The following XPR1 variants were observed in gnomAD, a reference collection of about 807,000 sequenced individuals.
XPR1 encodes xenotropic and polytropic retrovirus receptor 1.
Under a neutral mutation model 87.5 loss-of-function variants are expected in XPR1, and 28 were observed. The observed-to-expected ratio is 0.32, with a 90% CI of 0.24 to 0.44. XPR1 has a LOEUF of 0.44. Among genes scored for constraint, XPR1 ranks in the 20% least tolerant of loss-of-function variants. The probability of loss-of-function intolerance (pLI) is 1.00; values close to 1 mark genes in which losing one functional copy is unlikely to be tolerated. For missense variants in XPR1, 559 were observed against 862.3 expected, an observed-to-expected ratio of 0.65 and a Z score of 4.41; for synonymous variants, 300 against 306.1, an observed-to-expected ratio of 0.98 and a Z score of 0.21.
intron 2 of XPR1, among the ~76,000 whole-genome samples, chr1:180,767,208 T>C (rs1421775850): frequency 2.0e-5 from 3 of 152,306 alleles, no homozygotes; most frequent in African/African-American, 4.8e-5. Flanking sequence ...TAGTAAACTT[T>C]CCAGCTTAAA....
intron 12 of XPR1, 84 bp downstream of exon 12, chr1:180,863,958 T>G: frequency 1.9e-6 from 2 of 1,076,648 alleles, no homozygotes; most frequent in Non-Finnish European, 2.5e-6. Context: ...ACCCAACCTC[T>G]AATTATATTA....
At chr1:180,690,886 G>A (rs546493766) in intron 2 of XPR1, among the ~76,000 whole-genome samples, 204 of 151,578 alleles carry the variant, frequency 1.3e-3, no homozygotes, top group African/African-American at 4.6e-3. Context: ...TATAAAAAAA[G>A]GAGTAAATTA....
chr1:180,775,954 A>C (rs1025663026), intron 2 of XPR1, among the ~76,000 whole-genome samples: 17 of 152,308 alleles, frequency 1.1e-4, no homozygotes, highest in African/African-American at 4.1e-4. Context: ...TCCTCTTTCA[A>C]ATTGCCTTTC....
intron 2 of XPR1, among the ~76,000 whole-genome samples, chr1:180,711,881 A>G (rs1414828110): frequency 6.6e-6 from 1 of 152,046 alleles, no homozygotes; most frequent in East Asian, 1.9e-4. Flanking sequence ...AATTTTTTGT[A>G]TGTGGTGTGA....
chr1:180,839,906 G>C (rs1201288663), intron 11 of XPR1, among the ~76,000 whole-genome samples: 1 of 152,194 alleles, frequency 6.6e-6, no homozygotes, highest in Non-Finnish European at 1.5e-5. Context: ...CTTCTCCATT[G>C]ATAAGCGTCA....
chr1:180,798,767 C>CCA (rs1649679555), intron 3 of XPR1, among the ~76,000 whole-genome samples: 1 of 152,132 alleles, frequency 6.6e-6, no homozygotes, highest in African/African-American at 2.4e-5. Flanking sequence ...GCGTGCAGCA[C>CCA]CACACCCTGC....
At chr1:180,670,711 T>G (rs1425317050) in intron 1 of XPR1, among the ~76,000 whole-genome samples, 1 of 152,248 alleles carries the variant, frequency 6.6e-6, no homozygotes, top group Non-Finnish European at 1.5e-5. Context: ...TTTTATTTCT[T>G]TATACAGCTT....
rs1438560013 is a variant in XPR1 at position 180,826,063 on chromosome 1, A to G, written c.1134+719A>G. ...AAAACTCCATCTCAAAAAAAAGAAA[A>G]AGAAAAATTGACTTTGATTCTTGTT... On this transcript the variant is annotated intron_variant, in intron 9 of 14. Coordinates refer to ENST00000367590, the MANE Select transcript of XPR1 (RefSeq NM_004736.4). Among the ~76,000 whole-genome samples the G allele has an allele frequency of 2.0e-5, 3 of 152,220 alleles. No homozygotes were observed. In the East Asian group the frequency reaches 5.8e-4, roughly 29 times the overall value.
chr1:180,669,947 G>A (rs1656105993), intron 1 of XPR1, among the ~76,000 whole-genome samples: 2 of 152,120 alleles, frequency 1.3e-5, no homozygotes, highest in South Asian at 4.1e-4. Context: ...CAAAACTGTG[G>A]AAAGTGAAAC....
chr1:180,711,940 C>T (rs2101985410), intron 2 of XPR1, among the ~76,000 whole-genome samples: 1 of 152,266 alleles, frequency 6.6e-6, no homozygotes. Context: ...GTTGTTCTAA[C>T]ACCATTTGTT....
intron 2 of XPR1, among the ~76,000 whole-genome samples, chr1:180,737,257 G>A (rs1421834781): frequency 1.3e-5 from 2 of 152,108 alleles, no homozygotes; most frequent in Admixed American, 6.5e-5. Context: ...GTTTTCCTAC[G>A]TTATGTAAGG....
intron 9 of XPR1, among the ~76,000 whole-genome samples, chr1:180,834,143 A>G (rs9730482): frequency 0.043 from 6,476 of 151,582 alleles, 494 homozygotes; most frequent in African/African-American, 0.15. Flanking sequence ...GTGCAGTGGC[A>G]TGATCTCGGC....
intron 1 of XPR1, among the ~76,000 whole-genome samples, chr1:180,667,641 CT>C (rs1485420484): frequency 7.2e-5 from 11 of 152,254 alleles, no homozygotes; most frequent in Non-Finnish European, 8.8e-5. Context: ...GCATTTCCTC[CT>C]GTTCAGTTTT....
At chr1:180,728,307 G>A (rs1658430414) in intron 2 of XPR1, among the ~76,000 whole-genome samples, 1 of 140,242 alleles carries the variant, frequency 7.1e-6, no homozygotes, top group African/African-American at 2.7e-5. Flanking sequence ...TGGGGGGGGG[G>A]GTAGTAATGA....
At chr1:180,760,702 T>C (rs950547940) in intron 2 of XPR1, among the ~76,000 whole-genome samples, 2 of 152,180 alleles carry the variant, frequency 1.3e-5, no homozygotes, top group South Asian at 2.1e-4. Context: ...AGGTAATTTA[T>C]AGATTCAATC....
chr1:180,729,160 AG>A (rs1286312820), intron 2 of XPR1, among the ~76,000 whole-genome samples: 1 of 152,234 alleles, frequency 6.6e-6, no homozygotes, highest in Non-Finnish European at 1.5e-5. Context: ...GTTCCTGCAA[AG>A]GACATGATCT....
intron 11 of XPR1, among the ~76,000 whole-genome samples, chr1:180,856,059 T>TA (rs1348753661): frequency 6.6e-6 from 1 of 152,178 alleles, no homozygotes; most frequent in Non-Finnish European, 1.5e-5. Flanking sequence ...AGATTTCCCT[T>TA]ACCTCATTAA....
chr1:180,643,230 AG>A (rs1292980429), intron 1 of XPR1, among the ~76,000 whole-genome samples: 1 of 152,212 alleles, frequency 6.6e-6, no homozygotes, highest in Non-Finnish European at 1.5e-5. Flanking sequence ...CAAACAGCAT[AG>A]CCAAGGATAA....
intron 11 of XPR1, among the ~76,000 whole-genome samples, chr1:180,845,161 TAATC>T (rs1165623213): frequency 6.6e-6 from 1 of 152,180 alleles, no homozygotes; most frequent in Admixed American, 6.5e-5. Flanking sequence ...AAATAATATT[TAATC>T]AAAGAAGTGA....
Sources: allele counts gnomAD v4.1 joint callset (sites outside exome capture counted in the v4.1 genomes callset), GRCh38; gene constraint gnomAD v4.1.1; transcripts MANE v1.5; gene names NCBI Gene and HGNC (gene_info 2026-07-23, HGNC 2026-07-21).